Variants in SCPEP1 observed in about 807,000 individuals in gnomAD.
SCPEP1 encodes retinoid-inducible serine carboxypeptidase.
Under a neutral mutation model 63.8 loss-of-function variants are expected in SCPEP1, and 51 were observed. The observed-to-expected ratio is 0.80, with a 90% CI of 0.64 to 1.01. The LOEUF is 1.01. SCPEP1 is among the 50% of genes least tolerant of loss of function. The pLI is 0.00. For missense variants in SCPEP1, 499 were observed against 554.9 expected, an observed-to-expected ratio of 0.90 and a Z score of 1.01; for synonymous variants, 204 against 207.8, an observed-to-expected ratio of 0.98 and a Z score of 0.16.
intron 10 of SCPEP1, 87 bp downstream of exon 10, chr17:56,998,585 G>A (rs1255683123): frequency 9.9e-7 from 1 of 1,012,416 alleles, no homozygotes; most frequent in Non-Finnish European, 1.6e-6. Context: ...TGTAGGGTGG[G>A]TTTTGTTGTT....
At chr17:56,989,627 A>G (rs920058708) in intron 5 of SCPEP1, among the ~76,000 whole-genome samples, 3 of 152,202 alleles carry the variant, frequency 2.0e-5, no homozygotes, top group African/African-American at 7.2e-5. Flanking sequence ...TATCTTTCCA[A>G]GATGAAACCC....
In SCPEP1 at chr17:57,006,344, G is replaced by A. The variant is rs1597925462; in HGVS notation, c.*109G>A. ...CTTCCCTGTATCTAACTGGGGCTGT[G>A]ATCAAGAAGGTTCTGACCAGCTTCT... On this transcript the variant is annotated 3_prime_UTR_variant, in exon 13 of 13. Coordinates refer to ENST00000262288, the MANE Select transcript of SCPEP1 (RefSeq NM_021626.3). The A allele has an allele frequency of 1.4e-6, 1 of 719,002 alleles. No individual in the cohort carries two copies. Among genetic ancestry groups the A allele is most frequent in the African/African-American group, 1.8e-5 (1 of 55,186 alleles). 44.5% of individuals were successfully genotyped at this position (719,002 alleles called of 1,614,324 possible). A position where few individuals can be genotyped will look rare whatever the true frequency, so the allele number is the denominator to read the frequency against.
At chr17:56,997,303 G>A (rs534597828) in intron 9 of SCPEP1, among the ~76,000 whole-genome samples, 1 of 152,200 alleles carries the variant, frequency 6.6e-6, no homozygotes, top group Non-Finnish European at 1.5e-5. Context: ...CCCACTCCCA[G>A]CCACAGGCAA....
At chr17:56,980,996 G>A in intron 1 of SCPEP1, 86 bp from the exon 2 acceptor site, 1 of 1,460,408 alleles carries the variant, frequency 6.8e-7, no homozygotes, top group Non-Finnish European at 9.5e-7. Flanking sequence ...ATCATCTCTA[G>A]CCTAGCATGG....
rs1368841217 is a variant in SCPEP1 at position 57,002,025 on chromosome 17, G to T, written c.1140G>T (p.Glu380Asp). 6.2e-7 allele frequency: 1 copy of T among 1,613,962 alleles called. No homozygotes were observed. The change falls in exon 12 of 13, where the codon GAG (glutamate) becomes GAT (aspartate). Residue 380 changes from glutamate to aspartate, a missense_variant. Coordinates refer to ENST00000262288, the MANE Select transcript of SCPEP1 (RefSeq NM_021626.3). ...CTTTGTCCTTCTCACCAGGTCAGGA[G>T]GCCTGGGTGCGGAAACTGAAGTGGC... Reference protein sequence around the residue: ...LDLIVDTMGQEAWVRKLKWPE... With the variant: ...LDLIVDTMGQDAWVRKLKWPE...
intron 6 of SCPEP1, among the ~76,000 whole-genome samples, chr17:56,993,519 C>G (rs575595647): frequency 1.3e-5 from 2 of 152,336 alleles, no homozygotes; most frequent in East Asian, 3.9e-4. Context: ...TCTCGGCTCA[C>G]TGCAACCTCC....
At chr17:56,998,567 C>T (rs12941709) in intron 10 of SCPEP1, 69 bp downstream of exon 10, 549,236 of 1,150,540 alleles carry the variant, frequency 0.48, 134,632 homozygotes, top group African/African-American at 0.56. Flanking sequence ...AATTCAGAGA[C>T]CTGAATTTGT....
At chr17:57,000,575 G>C (rs1911708783) in intron 10 of SCPEP1, among the ~76,000 whole-genome samples, 2 of 152,162 alleles carry the variant, frequency 1.3e-5, no homozygotes, top group Non-Finnish European at 2.9e-5. Flanking sequence ...CTCCCTCCCT[G>C]TTTCCTTGGA....
intron 12 of SCPEP1, among the ~76,000 whole-genome samples, chr17:57,002,740 G>A (rs111727555): frequency 1.4e-4 from 22 of 151,806 alleles, no homozygotes; most frequent in African/African-American, 2.4e-4. Flanking sequence ...GCACGGTGGC[G>A]CATGCCTGTG....
Position 56,981,242 on chromosome 17 carries a change from T to G in SCPEP1, c.225+12T>G. The G allele has an allele frequency of 6.2e-7, 1 of 1,614,034 alleles. No individual in the cohort carries two copies. Among genetic ancestry groups the G allele is most frequent in the Non-Finnish European group, 8.5e-7 (1 of 1,179,974 alleles). ...TCATGTGGCTTCAGGTAAAGTAGCTTCCCAGCCTGGCCTGAGGTCAAAGCC... is the reference window on the plus strand; with the variant it reads ...TCATGTGGCTTCAGGTAAAGTAGCTGCCCAGCCTGGCCTGAGGTCAAAGCC... On this transcript the variant is annotated intron_variant, in intron 2 of 12. Coordinates refer to ENST00000262288, the MANE Select transcript of SCPEP1 (RefSeq NM_021626.3).
intron 5 of SCPEP1, among the ~76,000 whole-genome samples, 165 bp downstream of exon 5, chr17:56,988,455 G>T (rs1296986559): frequency 6.6e-6 from 1 of 152,134 alleles, no homozygotes; most frequent in Non-Finnish European, 1.5e-5. Context: ...GAAGAATGAA[G>T]ATTGCCCTGC....
intron 9 of SCPEP1, among the ~76,000 whole-genome samples, chr17:56,997,515 A>G (rs1357055570): frequency 6.6e-6 from 1 of 152,256 alleles, no homozygotes; most frequent in Admixed American, 6.5e-5. Context: ...CAAGAAGCAT[A>G]TAAAGGCTGC....
chr17:56,993,198 T>G (rs1279385514), intron 6 of SCPEP1, among the ~76,000 whole-genome samples: 2 of 152,192 alleles, frequency 1.3e-5, no homozygotes, highest in African/African-American at 2.4e-5. Flanking sequence ...TGTGACTATA[T>G]AAATTTAATT....
At chr17:56,982,067 G>A (rs938967295) in intron 2 of SCPEP1, among the ~76,000 whole-genome samples, 1 of 152,218 alleles carries the variant, frequency 6.6e-6, no homozygotes, top group African/African-American at 2.4e-5. Flanking sequence ...AAGGCAGGGA[G>A]CTGGTTGAAA....
intron 7 of SCPEP1, 122 bp from the exon 8 acceptor site, chr17:56,995,385 T>G: frequency 9.7e-7 from 1 of 1,026,632 alleles, no homozygotes; most frequent in Non-Finnish European, 1.4e-6. Context: ...ACAATACACT[T>G]TGATATGTGA....
chr17:56,990,543 A>T (rs545249369), intron 5 of SCPEP1, among the ~76,000 whole-genome samples: 1 of 152,316 alleles, frequency 6.6e-6, no homozygotes, highest in Admixed American at 6.5e-5. Context: ...GCTGAATGAG[A>T]TCATATTATA....
chr17:56,985,138 T>C, intron 2 of SCPEP1: 1 of 524,080 alleles, frequency 1.9e-6, no homozygotes, highest in Non-Finnish European at 3.4e-6. Context: ...AAATCAGGAG[T>C]CAGGAACATT....
chr17:56,992,833 T>G (rs545100402), intron 6 of SCPEP1, among the ~76,000 whole-genome samples: 1 of 152,314 alleles, frequency 6.6e-6, no homozygotes, highest in Admixed American at 6.5e-5. Flanking sequence ...CTACATTGTC[T>G]CTCCAAGATC....
intron 8 of SCPEP1, 55 bp downstream of exon 8, chr17:56,995,690 A>G: frequency 1.3e-6 from 2 of 1,576,916 alleles, no homozygotes; most frequent in African/African-American, 1.4e-5. Context: ...TGGTGGGTAC[A>G]GGGCCCATGG....
Sources: allele counts gnomAD v4.1 joint callset (sites outside exome capture counted in the v4.1 genomes callset), GRCh38; gene constraint gnomAD v4.1.1; transcripts MANE v1.5; gene names NCBI Gene and HGNC (gene_info 2026-07-23, HGNC 2026-07-21).